GET1: variants seen among roughly 807,000 people sequenced by gnomAD.
GET1 encodes guided entry of tail-anchored proteins factor 1.
Under a neutral mutation model 22.6 loss-of-function variants are expected in GET1, and 20 were observed. That is an observed-to-expected ratio of 0.89 (90% confidence interval 0.62 to 1.29). GET1 has a LOEUF of 1.29. Among genes scored for constraint, GET1 ranks in the 50% most tolerant of loss-of-function variants. GET1 has a pLI of 0.00. For missense variants in GET1, 209 were observed against 219.9 expected, an observed-to-expected ratio of 0.95 and a Z score of 0.31; for synonymous variants, 92 against 83.8, an observed-to-expected ratio of 1.10 and a Z score of -0.53.
intron 1 of GET1, among the ~76,000 whole-genome samples, chr21:39,425,175 C>T (rs1464123282): frequency 6.6e-6 from 1 of 152,208 alleles, no homozygotes; most frequent in African/African-American, 2.4e-5. Flanking sequence ...GATCCTCATT[C>T]TGGAGAGGGA....
At chr21:39,386,040 C>T (rs2037873692) in intron 1 of GET1, 1 of 152,296 alleles carries the variant, frequency 6.6e-6, no homozygotes, top group Non-Finnish European at 1.5e-5. Context: ...CCAGGAGGCC[C>T]TTCCTCTCAA....
chr21:39,399,760 A>C (rs1406209277), downstream of GET1, among the ~76,000 whole-genome samples: 3 of 152,104 alleles, frequency 2.0e-5, no homozygotes, highest in Non-Finnish European at 4.4e-5. Context: ...TTATTTTAAA[A>C]ATACTGGATA....
chr21:39,423,342 T>G, intron 1 of GET1: 1 of 1,613,188 alleles, frequency 6.2e-7, no homozygotes, highest in Non-Finnish European at 8.5e-7. Flanking sequence ...TATCAGCTAA[T>G]TCATTTTTTA....
intron 1 of GET1, chr21:39,411,832 A>G: frequency 2.3e-6 from 3 of 1,288,786 alleles, no homozygotes; most frequent in East Asian, 2.3e-5. Flanking sequence ...CAATTTTTCT[A>G]TAAATGCTTG....
At chr21:39,417,850 C>T (rs2041530725) in intron 1 of GET1, among the ~76,000 whole-genome samples, 1 of 152,170 alleles carries the variant, frequency 6.6e-6, no homozygotes, top group Non-Finnish European at 1.5e-5. Flanking sequence ...ACTGCAAGCT[C>T]CGCCTCCCGA....
intron 1 of GET1, chr21:39,423,112 T>C: frequency 6.2e-7 from 1 of 1,613,860 alleles, no homozygotes; most frequent in Non-Finnish European, 8.5e-7. Context: ...CTTCAGTAAC[T>C]GGCTGTCAGT....
At chr21:39,381,678 ATCT>A (rs1226467111) in intron 1 of GET1, among the ~76,000 whole-genome samples, 1 of 152,204 alleles carries the variant, frequency 6.6e-6, no homozygotes, top group African/African-American at 2.4e-5. Flanking sequence ...GAAGTTTATC[ATCT>A]TTATCATTTT....
chr21:39,422,323 A>T (rs557732181), intron 1 of GET1: 1 of 152,276 alleles, frequency 6.6e-6, no homozygotes, highest in African/African-American at 2.4e-5. Context: ...TCTTAATATG[A>T]TATCAATGCC....
intron 1 of GET1, 101 bp downstream of exon 1, chr21:39,380,587 C>CTA: frequency 6.6e-7 from 1 of 1,521,910 alleles, no homozygotes; most frequent in Non-Finnish European, 8.8e-7. Flanking sequence ...CGACTGAAGG[C>CTA]CGTAGTAGCG....
At chr21:39,406,688 A>T, downstream of GET1, 2 of 1,093,430 alleles carry the variant, frequency 1.8e-6, no homozygotes, top group Non-Finnish European at 2.7e-6. Flanking sequence ...TGTCTAGTAC[A>T]CTTACGTGCA....
chr21:39,385,229 T>A (rs938806314), intron 1 of GET1, among the ~76,000 whole-genome samples: 4 of 152,098 alleles, frequency 2.6e-5, no homozygotes, highest in Non-Finnish European at 5.9e-5. Context: ...TCTGAAGCTT[T>A]CGTCTTAGCA....
intron 3 of GET1, chr21:39,392,047 A>C: frequency 1.9e-6 from 1 of 539,376 alleles, no homozygotes; most frequent in Non-Finnish European, 3.3e-6. Flanking sequence ...AAAGTTTGGG[A>C]CTTTTTGGCA....
chr21:39,387,154 G>A (rs1229708522), intron 1 of GET1, among the ~76,000 whole-genome samples: 1 of 152,192 alleles, frequency 6.6e-6, no homozygotes, highest in Non-Finnish European at 1.5e-5. Flanking sequence ...GCCTGGCTCA[G>A]ACAGTTTTTA....
chr21:39,419,899 T>G (rs1202644603), intron 1 of GET1, among the ~76,000 whole-genome samples: 1 of 152,226 alleles, frequency 6.6e-6, no homozygotes, highest in Non-Finnish European at 1.5e-5. Context: ...TTAAAAATTC[T>G]TATTTTTAAA....
chr21:39,380,935 G>GGGGGC, intron 1 of GET1: 6 of 187,972 alleles, frequency 3.2e-5, no homozygotes, highest in Non-Finnish European at 5.9e-5. Flanking sequence ...GGTAGGGTGG[G>GGGGGC]AGACAGGTGT....
At chr21:39,405,926 T>C in exon 5 of GET1, 1 of 1,609,850 alleles carries the variant, frequency 6.2e-7, no homozygotes, top group Non-Finnish European at 8.5e-7. Context: ...GACGATGGCT[T>C]AATAGAATTT....
At chr21:39,422,549 C>A (rs775327192) in intron 1 of GET1, 98 of 208,164 alleles carry the variant, frequency 4.7e-4, no homozygotes, top group Non-Finnish European at 8.6e-4. Context: ...TACAAAGGCC[C>A]TGAACGGATG....
chr21:39,424,173 C>T (rs187570836), intron 1 of GET1, among the ~76,000 whole-genome samples: 83 of 152,128 alleles, frequency 5.5e-4, no homozygotes, highest in African/African-American at 2.0e-3. Context: ...CCACTATGCC[C>T]TGCTAATTTT....
chr21:39,381,804 C>A (rs1305417703), intron 1 of GET1, among the ~76,000 whole-genome samples: 1 of 152,166 alleles, frequency 6.6e-6, no homozygotes, highest in Non-Finnish European at 1.5e-5. Flanking sequence ...GTGGTGTAAT[C>A]TCGACTCATT....
Sources: gnomAD v4.1 joint callset for allele counts (sites outside exome capture counted in the v4.1 genomes callset) on GRCh38, gnomAD v4.1.1 for gene constraint, MANE v1.5 for transcripts, NCBI Gene and HGNC (gene_info 2026-07-23, HGNC 2026-07-21) for gene names.